Variants in KIAA0825 observed in about 807,000 individuals in gnomAD.
The protein encoded by KIAA0825 is uncharacterized protein KIAA0825.
Under a neutral mutation model 147.6 loss-of-function variants are expected in KIAA0825, and 119 were observed. The observed-to-expected ratio is 0.81, with a 90% CI of 0.69 to 0.94. KIAA0825 has a LOEUF of 0.94. KIAA0825 is among the 40% of genes least tolerant of loss of function. The probability of loss-of-function intolerance (pLI) is 0.00; values close to 1 mark genes in which losing one functional copy is unlikely to be tolerated. For missense variants in KIAA0825, 1,381 were observed against 1,472.7 expected, an observed-to-expected ratio of 0.94 and a Z score of 1.02; for synonymous variants, 470 against 518.1, an observed-to-expected ratio of 0.91 and a Z score of 1.26.
chr5:94,253,300 A>T (rs1321459061), intron 20 of KIAA0825, among the ~76,000 whole-genome samples: 4 of 152,160 alleles, frequency 2.6e-5, no homozygotes, highest in Non-Finnish European at 2.9e-5. Flanking sequence ...TTCTGTTTTC[A>T]TTTTGCATTT....
intron 3 of KIAA0825, among the ~76,000 whole-genome samples, chr5:94,529,250 ATATG>A (rs960330567): frequency 1.6e-5 from 2 of 127,882 alleles, no homozygotes; most frequent in Admixed American, 7.6e-5. Context: ...ATATACATAT[ATATG>A]TATATATCAT....
At chr5:94,525,453 G>T (rs1769086795) in intron 3 of KIAA0825, among the ~76,000 whole-genome samples, 1 of 151,800 alleles carries the variant, frequency 6.6e-6, no homozygotes, top group Non-Finnish European at 1.5e-5. Context: ...TGAACACAAA[G>T]AACTTAAAAG....
At chr5:94,409,253 G>A (rs1752461371) in intron 15 of KIAA0825, among the ~76,000 whole-genome samples, 1 of 152,118 alleles carries the variant, frequency 6.6e-6, no homozygotes, top group Admixed American at 6.5e-5. Context: ...TTTTAGTGAT[G>A]ATAAAGTAAC....
rs1172838355 is a variant in KIAA0825 at position 94,356,725 on chromosome 5, C to CTTTTTTTTTTTTTTTTTTTTTTTTT, written c.3710+27642_3710+27643insAAAAAAAAAAAAAAAAAAAAAAAAA. ...TCAAACTTAAGGTTTAACTTGATTT[C>CTTTTTTTTTTTTTTTTTTTTTTTTT]TTTTTTTTTTTTTTTTTGAGACGGA... On this transcript the variant is annotated intron_variant, in intron 20 of 20. Transcript: ENST00000682413. Among the ~76,000 whole-genome samples, 8 of 116,738 alleles carry CTTTTTTTTTTTTTTTTTTTTTTTTT rather than the reference C, an allele frequency of 6.9e-5. 1 individual carries two copies. Among genetic ancestry groups the CTTTTTTTTTTTTTTTTTTTTTTTTT allele is most frequent in the African/African-American group, 2.7e-4 (8 of 29,466 alleles). 76.6% of individuals were successfully genotyped at this position (116,738 alleles called of 152,430 possible). A position where few individuals can be genotyped will look rare whatever the true frequency, so the allele number is the denominator to read the frequency against.
At chr5:94,499,343 C>A (rs1345993003) in intron 5 of KIAA0825, among the ~76,000 whole-genome samples, 1 of 152,116 alleles carries the variant, frequency 6.6e-6, no homozygotes, top group East Asian at 1.9e-4. Flanking sequence ...AGCCAGCATT[C>A]CCCCCTGCAT....
chr5:94,523,938 T>C lies in KIAA0825; in HGVS notation c.292A>G (p.Lys98Glu). The C allele has an allele frequency of 6.3e-7, 1 of 1,594,044 alleles. No individual in the cohort carries two copies. Among genetic ancestry groups the C allele is most frequent in the Non-Finnish European group, 8.6e-7 (1 of 1,167,570 alleles). ...ATAAAAATTCATTTTACCAGTGTTT[T>C]GAAAAATTTTATCAAGTCTCCATGA... ...ISHGDLIKFF[K>E]TLQDLLKNEQ... The change falls in exon 4 of 21, where the codon AAA (lysine) becomes GAA (glutamate). Residue 98 changes from lysine (K) to glutamate (E), a missense_variant. By Grantham distance (56) the Lys-to-Glu change is moderately conservative (BLOSUM62 1). Coordinates refer to ENST00000682413, the MANE Select transcript of KIAA0825 (RefSeq NM_001145678.3).
At chr5:94,175,879 T>G (rs1286523260) in intron 20 of KIAA0825, among the ~76,000 whole-genome samples, 1 of 152,164 alleles carries the variant, frequency 6.6e-6, no homozygotes, top group Non-Finnish European at 1.5e-5. Flanking sequence ...ACCTATAAAT[T>G]TAGCCAAAAT....
At chr5:94,505,446 A>C (rs1765634983) in intron 5 of KIAA0825, among the ~76,000 whole-genome samples, 1 of 152,030 alleles carries the variant, frequency 6.6e-6, no homozygotes, top group Admixed American at 6.6e-5. Flanking sequence ...TGAAAGGCCA[A>C]TTTTCAAGAT....
chr5:94,552,488 C>T lies in KIAA0825; in HGVS notation c.-1-15361G>A, dbSNP rs183266476. On this transcript the variant is annotated intron_variant, in intron 2 of 20. Coordinates refer to ENST00000682413, the MANE Select transcript of KIAA0825 (RefSeq NM_001145678.3). The stretch of plus-strand genomic sequence containing the variant: ...TTTCATCAGCACATGGAACATTCTT[C>T]AGGACTGACCATATGTTAGGACACA... Among the ~76,000 whole-genome samples the T allele has an allele frequency of 1.3e-4, 20 of 152,270 alleles. 1 individual carries two copies. Among genetic ancestry groups the T allele is most frequent in the Admixed American group, 1.3e-3 (20 of 15,294 alleles).
At chr5:94,295,111 T>G (rs560028770) in intron 20 of KIAA0825, among the ~76,000 whole-genome samples, 2 of 152,192 alleles carry the variant, frequency 1.3e-5, no homozygotes, top group African/African-American at 4.8e-5. Flanking sequence ...GGAGGCTTTG[T>G]TCATGCCTTT....
chr5:94,458,560 T>TG (rs1486758753), intron 12 of KIAA0825, among the ~76,000 whole-genome samples: 2 of 152,154 alleles, frequency 1.3e-5, no homozygotes. Flanking sequence ...CTGGCTCTTT[T>TG]GGGGTATTTT....
At chr5:94,392,665 T>C (rs1341381550) in intron 17 of KIAA0825, among the ~76,000 whole-genome samples, 1 of 152,228 alleles carries the variant, frequency 6.6e-6, no homozygotes, top group African/African-American at 2.4e-5. Context: ...AGCTGTATAC[T>C]GCAGTTCATT....
chr5:94,167,839 G>C (rs1768196223), intron 20 of KIAA0825, among the ~76,000 whole-genome samples: 2 of 151,652 alleles, frequency 1.3e-5, no homozygotes, highest in Non-Finnish European at 2.9e-5. Flanking sequence ...TTTGCCTTTA[G>C]AAGTTACAAA....
At chr5:94,540,841 G>C (rs960007688) in intron 2 of KIAA0825, among the ~76,000 whole-genome samples, 1 of 152,168 alleles carries the variant, frequency 6.6e-6, no homozygotes, top group East Asian at 1.9e-4. Flanking sequence ...TATTCAATTT[G>C]TTTTGGAGCA....
intron 7 of KIAA0825, among the ~76,000 whole-genome samples, chr5:94,474,781 A>G (rs1761655164): frequency 2.0e-5 from 3 of 152,136 alleles, no homozygotes; most frequent in Admixed American, 1.3e-4. Flanking sequence ...GGCCTAAAAC[A>G]CATCTCTCTT....
At chr5:94,185,397 G>A (rs983536330) in intron 20 of KIAA0825, among the ~76,000 whole-genome samples, 4 of 152,148 alleles carry the variant, frequency 2.6e-5, no homozygotes, top group African/African-American at 9.7e-5. Context: ...TGGTTGAGAG[G>A]TATATGCATT....
chr5:94,536,960 GAAAAC>G, intron 3 of KIAA0825, 31 bp downstream of exon 3: 1 of 1,481,984 alleles, frequency 6.7e-7, no homozygotes, highest in Non-Finnish European at 9.3e-7. Flanking sequence ...AGTGAAATGT[GAAAAC>G]AACTTGTTTT....
At chr5:94,547,736 C>CAAAAAAAAAAAAAAAAAAA (rs144612994) in intron 2 of KIAA0825, among the ~76,000 whole-genome samples, 3 of 127,662 alleles carry the variant, frequency 2.3e-5, no homozygotes, top group African/African-American at 3.3e-5. Flanking sequence ...GACTCCCTTT[C>CAAAAAAAAAAAAAAAAAAA]AAAAAAAAAA....
chr5:94,157,806 CTG>C (rs1233354041), intron 20 of KIAA0825, among the ~76,000 whole-genome samples: 2 of 152,042 alleles, frequency 1.3e-5, no homozygotes, highest in Non-Finnish European at 2.9e-5. Flanking sequence ...TCAAGGATGA[CTG>C]TGTGTTAGAG....
Sources: gnomAD v4.1 joint callset for allele counts (sites outside exome capture counted in the v4.1 genomes callset) on GRCh38, gnomAD v4.1.1 for gene constraint, MANE v1.5 for transcripts, NCBI Gene and HGNC (gene_info 2026-07-23, HGNC 2026-07-21) for gene names.